The following INPP5B variants were observed in gnomAD, a reference collection of about 807,000 sequenced individuals.
The protein encoded by INPP5B is inositol polyphosphate-5-phosphatase B.
A neutral mutation model predicts 118.5 loss-of-function variants in INPP5B; 90 were observed. The observed-to-expected ratio is 0.76, with a 90% confidence interval of 0.64 to 0.90. The LOEUF is 0.90. INPP5B is among the 40% of genes least tolerant of loss of function. The probability of loss-of-function intolerance (pLI) is 0.00; values close to 1 mark genes in which losing one functional copy is unlikely to be tolerated. For synonymous variants in INPP5B, 385 were observed against 418.9 expected, an observed-to-expected ratio of 0.92 and a Z score of 0.99; for missense variants, 984 against 1,125.6, an observed-to-expected ratio of 0.87 and a Z score of 1.80.
chr1:37,895,777 G>A (rs1473086116), intron 7 of INPP5B, among the ~76,000 whole-genome samples: 1 of 152,232 alleles, frequency 6.6e-6, no homozygotes, highest in Non-Finnish European at 1.5e-5. Context: ...GGCCTCCTGA[G>A]GTGCCGGGAT....
intron 18 of INPP5B, chr1:37,873,523 C>T (rs1004090603): frequency 1.1e-4 from 36 of 331,700 alleles, no homozygotes; most frequent in African/African-American, 1.7e-4. Context: ...AGAAGTGTAA[C>T]GCAATTATCG....
At chr1:37,873,415 T>C in intron 18 of INPP5B, 1 of 495,158 alleles carries the variant, frequency 2.0e-6, no homozygotes, top group East Asian at 3.6e-5. Flanking sequence ...ATTCAAGCAC[T>C]AAGGAGCACA....
At chr1:37,916,529 G>A (rs1401329795) in intron 7 of INPP5B, among the ~76,000 whole-genome samples, 1 of 150,794 alleles carries the variant, frequency 6.6e-6, no homozygotes, top group Non-Finnish European at 1.5e-5. Context: ...CGATTCTCTT[G>A]CCTCAGCCTC....
intron 7 of INPP5B, among the ~76,000 whole-genome samples, chr1:37,896,648 G>A (rs1347639431): frequency 1.7e-5 from 2 of 120,200 alleles, no homozygotes; most frequent in Non-Finnish European, 3.6e-5. Context: ...GAGGTGAGGG[G>A]CGCCTCTGCC....
intron 14 of INPP5B, among the ~76,000 whole-genome samples, chr1:37,880,738 T>C (rs1215091203): frequency 6.6e-6 from 1 of 151,924 alleles, no homozygotes; most frequent in East Asian, 1.9e-4. Flanking sequence ...TAGCCTAATG[T>C]TTTTTATTTT....
Position 37,880,126 on chromosome 1 carries a change from A to G in INPP5B, c.1500T>C (p.Pro500=), listed in dbSNP as rs1557638172. The G allele has an allele frequency of 1.2e-6, 2 of 1,612,416 alleles. No homozygotes were observed. The highest frequency in any genetic ancestry group is 2.2e-5 in the South Asian group (2 of 90,942). The change falls in exon 15 of 24, where the codon CCT becomes CCC. Residue 500 remains proline (P), a synonymous_variant. Coordinates refer to ENST00000373024, the MANE Select transcript of INPP5B (RefSeq NM_005540.3). The part of the protein sequence containing the change: ...GFTEGELTFQ[P]TYKYDTGSDD... ...CAGAGCCCGTATCATACTTGTAAGTAGGCTGGAATGTGAGCTCACCCTCTG... is the reference window on the plus strand; with the variant it reads ...CAGAGCCCGTATCATACTTGTAAGTGGGCTGGAATGTGAGCTCACCCTCTG...
At chr1:37,894,395 A>G (rs765340460) in intron 7 of INPP5B, among the ~76,000 whole-genome samples, 7 of 152,098 alleles carry the variant, frequency 4.6e-5, no homozygotes, top group African/African-American at 7.2e-5. Context: ...TTTTCTTCCC[A>G]GTTAGACTGT....
chr1:37,892,262 G>A (rs761051833), intron 7 of INPP5B, among the ~76,000 whole-genome samples: 3 of 152,214 alleles, frequency 2.0e-5, no homozygotes, highest in Non-Finnish European at 4.4e-5. Context: ...CTTCCACTCT[G>A]AAGAGGAGAA....
Position 37,878,230 on chromosome 1 carries a change from C to G in INPP5B, c.1635G>C (p.Lys545Asn). ...QLSYQSHMALKTSDHKPVSSV... is the reference protein window; with the variant it reads ...QLSYQSHMALNTSDHKPVSSV... ...AGCTGACAGGCTTGTGGTCACTGGT[C>G]TTCAGGGCCATGTGGCTCTGGTAAC... Residue 545 changes from lysine (K) to asparagine (N), a missense_variant, in exon 16 of 24, where the codon AAG (lysine) becomes AAC (asparagine). By Grantham distance (94) the Lys-to-Asn change is moderately conservative. This residue lies in a region of INPP5B where 634 missense variants were observed against 791.0 expected (regional missense o/e 0.80). Transcript: ENST00000373024. The G allele has an allele frequency of 6.2e-7, 1 of 1,614,164 alleles. No individual in the cohort carries two copies. The highest frequency in any genetic ancestry group is 8.5e-7 in the Non-Finnish European group (1 of 1,180,028).
intron 22 of INPP5B, among the ~76,000 whole-genome samples, chr1:37,865,001 A>G (rs1342663049): frequency 6.6e-6 from 1 of 152,188 alleles, no homozygotes; most frequent in Non-Finnish European, 1.5e-5. Flanking sequence ...AACCTGGCCA[A>G]CATGGTGAAA....
At chr1:37,938,003 T>C (rs763101534) in intron 6 of INPP5B, among the ~76,000 whole-genome samples, 53 of 141,638 alleles carry the variant, frequency 3.7e-4, no homozygotes, top group Non-Finnish European at 6.4e-4. Flanking sequence ...CTGGACACGG[T>C]GGCTCATGCC....
intron 7 of INPP5B, among the ~76,000 whole-genome samples, chr1:37,902,445 T>C (rs1644365338): frequency 1.3e-5 from 2 of 152,114 alleles, no homozygotes; most frequent in African/African-American, 4.8e-5. Flanking sequence ...AAAACACAAA[T>C]CTGGGTGGGC....
chr1:37,874,232 C>A (rs1642648863), intron 17 of INPP5B, 77 bp from the exon 18 acceptor site: 1 of 1,081,268 alleles, frequency 9.2e-7, no homozygotes, highest in South Asian at 2.4e-5. Flanking sequence ...ACTGGGCAGT[C>A]CTTACCATGG....
intron 7 of INPP5B, among the ~76,000 whole-genome samples, chr1:37,900,612 A>ATTTTTCTTTTTT: frequency 6.9e-6 from 1 of 145,580 alleles, no homozygotes; most frequent in Non-Finnish European, 1.5e-5. Flanking sequence ...TTTACTTTGA[A>ATTTTTCTTTTTT]TTTTTCTTTT....
chr1:37,862,752 G>C (rs1641774717), intron 23 of INPP5B, among the ~76,000 whole-genome samples: 1 of 152,218 alleles, frequency 6.6e-6, no homozygotes, highest in Admixed American at 6.5e-5. Flanking sequence ...TATGAGCTGG[G>C]TGTGGTGGCT....
rs376185933 is a variant in INPP5B at position 37,871,810 on chromosome 1, T to C, written c.2187+1120A>G. 5.9e-5 allele frequency among the ~76,000 whole-genome samples: 9 copies of C among 151,486 alleles called. 1 individual carries two copies. The highest frequency in any genetic ancestry group is 1.9e-4 in the African/African-American group (8 of 41,282). On this transcript the variant is annotated intron_variant, in intron 19 of 23. Transcript: ENST00000373024. Reference sequence around the variant, plus strand: ...TACTTGGGAGGCTGAGATGGGAGAATTGATTGAACCTGGGAGACGGTGGTT... The same window carrying C: ...TACTTGGGAGGCTGAGATGGGAGAACTGATTGAACCTGGGAGACGGTGGTT...
In INPP5B at chr1:37,875,747, T is replaced by C. The variant is rs115456239; in HGVS notation, c.1678-31A>G. 1.9e-3 allele frequency: 2,896 copies of C among 1,537,112 alleles called. 49 individuals carry two copies. The African/African-American group carries it at 0.035, about 19-fold the overall frequency. On this transcript the variant is annotated intron_variant, in intron 16 of 23. Transcript: ENST00000373024. ...AGGGAAACATCAGAGACTGAGTACC[T>C]TGGCTTCTGCCCATTTCCTCTTTCT...
chr1:37,870,146 G>C (rs1201264148), intron 19 of INPP5B: 3 of 151,468 alleles, frequency 2.0e-5, no homozygotes, highest in Non-Finnish European at 4.4e-5. Flanking sequence ...GGCTGAGTTT[G>C]TCTTCTTTTT....
chr1:37,886,999 C>T lies in INPP5B; in HGVS notation c.1020G>A (p.Lys340=), dbSNP rs1643578115. The change falls in exon 12 of 24, where the codon AAG becomes AAA. Residue 340 remains lysine (K), a synonymous_variant. Coordinates refer to ENST00000373024, the MANE Select transcript of INPP5B (RefSeq NM_005540.3). ...LHPDAKYAKV[K]LIRLVGIMLL... is the part of the protein sequence containing the mutation. ...GCATAATCCCAACCAGTCGGATAAGCTTCACCTGGAAAAGAGAGACATGGC... is the reference window on the plus strand; with the variant it reads ...GCATAATCCCAACCAGTCGGATAAGTTTCACCTGGAAAAGAGAGACATGGC... The T allele has an allele frequency of 6.2e-7, 1 of 1,613,398 alleles. No homozygotes were observed. The highest frequency in any genetic ancestry group is 2.2e-5 in the East Asian group (1 of 44,884).
Sources: allele counts gnomAD v4.1 joint callset (sites outside exome capture counted in the v4.1 genomes callset), GRCh38; gene constraint gnomAD v4.1.1; regional missense constraint gnomAD v4.1.1; transcripts MANE v1.5; gene names NCBI Gene and HGNC (gene_info 2026-07-23, HGNC 2026-07-21).